The following COPS6 variants were observed in gnomAD, a reference collection of about 807,000 sequenced individuals.
The protein encoded by COPS6 is COP9 signalosome subunit 6.
COPS6 carries 9 observed loss-of-function variants against 41.0 expected under a neutral mutation model. The ratio of observed to expected loss-of-function variants is 0.22; its 90% CI spans 0.13 to 0.38. The LOEUF (loss-of-function observed/expected upper bound fraction) is 0.38, where lower values mean the gene tolerates loss of function less well. Ranked by LOEUF, COPS6 falls within the 10% of genes least tolerant of loss-of-function variation. The probability of loss-of-function intolerance (pLI) is 1.00; values close to 1 mark genes in which losing one functional copy is unlikely to be tolerated. For synonymous variants in COPS6, 179 were observed against 162.9 expected (o/e 1.10, Z -0.75); for missense variants, 302 against 436.7 (o/e 0.69, Z 2.75).
In COPS6 at chr7:100,091,907, C is replaced by G. The variant is rs986030740; in HGVS notation, c.*118C>G. The stretch of plus-strand genomic sequence containing the variant: ...TAAAAGGGGAGCAGCCCCTGAGCAC[C>G]CCTGCTGGTGGCTCTGTCCTCTGTT... On this transcript the variant is annotated 3_prime_UTR_variant, in exon 10 of 10. Transcript: ENST00000303904. The surrounding 1 kb of genome is among the most constrained non-coding windows in gnomAD (Gnocchi z 4.1). 1 of 1,338,900 alleles carries G rather than the reference C, an allele frequency of 7.5e-7. No homozygotes were observed. The highest frequency in any genetic ancestry group is 1.0e-6 in the Non-Finnish European group (1 of 966,844). 82.9% of individuals were successfully genotyped at this position (1,338,900 alleles called of 1,614,324 possible).
rs767362885 is a variant in COPS6 at position 100,091,520 on chromosome 7, T to C, written c.843T>C (p.Asp281=). The part of the protein sequence containing the change: ...STDKFKTDFY[D]QCNDVGLMAY... ...ACAAGTTCAAGACAGATTTTTATGA[T>C]GTGAGTGTAAAACCCGGATGGGGAG... The change falls in exon 9 of 10, where the codon GAT becomes GAC. Residue 281 remains aspartate (D), a splice_region_variant and synonymous_variant. Coordinates refer to ENST00000303904, the MANE Select transcript of COPS6 (RefSeq NM_006833.5). This position sits in a 1 kb window ranked among gnomAD's most constrained non-coding sequence, Gnocchi z 4.1. The C allele has an allele frequency of 2.3e-5, 37 of 1,613,994 alleles. No homozygotes were observed. The highest frequency in any genetic ancestry group is 3.0e-5 in the Non-Finnish European group (35 of 1,179,966).
chr7:100,091,982 G>A lies in COPS6; in HGVS notation c.*193G>A. 2 of 662,332 alleles carry A rather than the reference G, an allele frequency of 3.0e-6. No homozygotes were observed. Among genetic ancestry groups the A allele is most frequent in the Middle Eastern group, 4.2e-4 (1 of 2,360 alleles). The allele number at this position is 662,332 out of a possible 1,614,324, so 41.0% of individuals were successfully genotyped here. A position where few individuals can be genotyped will look rare whatever the true frequency, so the allele number is the denominator to read the frequency against. ...TGGATGTTCATCGAGGCTCATTCTGGCCTTGCTCAGAAGCCCTTCTGATGC... is the reference window on the plus strand; with the variant it reads ...TGGATGTTCATCGAGGCTCATTCTGACCTTGCTCAGAAGCCCTTCTGATGC... On this transcript the variant is annotated 3_prime_UTR_variant, in exon 10 of 10. Coordinates refer to ENST00000303904, the MANE Select transcript of COPS6 (RefSeq NM_006833.5). This position sits in a 1 kb window ranked among gnomAD's most constrained non-coding sequence, Gnocchi z 4.1.
At chr7:100,089,847 C>T in intron 3 of COPS6, 101 bp downstream of exon 3, 2 of 1,166,614 alleles carry the variant, frequency 1.7e-6, no homozygotes, top group African/African-American at 1.6e-5. Context: ...GAGAGGAGAC[C>T]AAGAACAGGG....
At chr7:100,090,854 G>A in intron 5 of COPS6, 48 bp from the exon 6 acceptor site, 2 of 1,603,672 alleles carry the variant, frequency 1.2e-6, no homozygotes, top group East Asian at 2.2e-5. Context: ...AAAGCAGCTA[G>A]CCCAAATGTT....
intron 3 of COPS6, 102 bp downstream of exon 3, chr7:100,089,848 AAGAACAGGGG>A: frequency 8.6e-7 from 1 of 1,156,898 alleles, no homozygotes; most frequent in East Asian, 2.5e-5. Context: ...AGAGGAGACC[AAGAACAGGGG>A]AGAAAAAGTG....
chr7:100,091,226 A>T lies in COPS6; in HGVS notation c.650-12A>T, dbSNP rs769870773. On this transcript the variant is annotated splice_polypyrimidine_tract_variant and intron_variant, in intron 7 of 9. Transcript: ENST00000303904. This position sits in a 1 kb window ranked among gnomAD's most constrained non-coding sequence, Gnocchi z 4.1. ...CCCGTCTCAACCTCCTCCTGTCCTC[A>T]TCCCCTTGCAGTGGCTGAACACCTG... 3 of 1,614,198 alleles carry T rather than the reference A, an allele frequency of 1.9e-6. No individual in the cohort carries two copies. In the East Asian group the frequency reaches 6.7e-5, roughly 36 times the overall value.
chr7:100,091,854 C>A lies in COPS6; in HGVS notation c.*65C>A. 6.2e-7 allele frequency: 1 copy of A among 1,600,088 alleles called. No homozygotes were observed. Among genetic ancestry groups the A allele is most frequent in the East Asian group, 2.2e-5 (1 of 44,700 alleles). On this transcript the variant is annotated 3_prime_UTR_variant, in exon 10 of 10. Coordinates refer to ENST00000303904, the MANE Select transcript of COPS6 (RefSeq NM_006833.5). This position sits in a 1 kb window ranked among gnomAD's most constrained non-coding sequence, Gnocchi z 4.1. ...CTATCCCAAAGGGGAGGGCACTACA[C>A]TTCCTTGAGAGAAACCGCTGTCATT...
At chr7:100,090,548 A>G (rs989560637) in intron 4 of COPS6, 44 bp from the exon 5 acceptor site, 6 of 1,611,028 alleles carry the variant, frequency 3.7e-6, no homozygotes, top group Non-Finnish European at 4.2e-6. Context: ...GGAAGGAGAA[A>G]GGTAGGGGGC....
At chr7:100,090,782 A>G (rs1433173946) in intron 5 of COPS6, 120 bp from the exon 6 acceptor site, 11 of 1,461,266 alleles carry the variant, frequency 7.5e-6, no homozygotes, top group East Asian at 2.3e-5. Context: ...TTAATCTCCA[A>G]ACTGTGAAAG....
Position 100,091,202 on chromosome 7 carries a change from C to G in COPS6, c.650-36C>G. On this transcript the variant is annotated intron_variant, in intron 7 of 9. Coordinates refer to ENST00000303904, the MANE Select transcript of COPS6 (RefSeq NM_006833.5). The surrounding 1 kb of genome is among the most constrained non-coding windows in gnomAD (Gnocchi z 4.1). ...TGGGGTTGGAAGGTGTGGCCACATCCCGTCTCAACCTCCTCCTGTCCTCAT... is the reference window on the plus strand; with the variant it reads ...TGGGGTTGGAAGGTGTGGCCACATCGCGTCTCAACCTCCTCCTGTCCTCAT... The G allele has an allele frequency of 6.2e-7, 1 of 1,613,566 alleles. No homozygotes were observed. The highest frequency in any genetic ancestry group is 8.5e-7 in the Non-Finnish European group (1 of 1,179,458).
chr7:100,090,815 T>C (rs1795304320), intron 5 of COPS6, 87 bp from the exon 6 acceptor site: 2 of 1,526,384 alleles, frequency 1.3e-6, no homozygotes, highest in Non-Finnish European at 1.8e-6. Context: ...ACTTCATTGG[T>C]TTCTTGGGAA....
At chr7:100,090,119 G>T in intron 3 of COPS6, 1 of 468,214 alleles carries the variant, frequency 2.1e-6, no homozygotes, top group South Asian at 2.3e-5. Context: ...GGAGGCCGAG[G>T]TGGGTGGATC....
Position 100,089,394 on chromosome 7 carries a change from CA to C in COPS6, c.182del (p.Gln61ArgfsTer8). ...AGACCACTGGATCCGCATGCGCTCC[CA>C]GGAGGGGCGGCCTGTGCAGGGTGAG... ...ISDHWIRMRS[Q>X]EGRPVQVIGA... On this transcript the variant is annotated frameshift_variant, in exon 2 of 10. Coordinates refer to ENST00000303904, the MANE Select transcript of COPS6 (RefSeq NM_006833.5). LOFTEE classifies it high-confidence loss of function. 6.2e-7 allele frequency: 1 copy of C among 1,614,124 alleles called. No homozygotes were observed. Among genetic ancestry groups the C allele is most frequent in the Non-Finnish European group, 8.5e-7 (1 of 1,180,034 alleles).
chr7:100,091,190 T>C lies in COPS6; in HGVS notation c.649+38T>C. The stretch of plus-strand genomic sequence containing the variant: ...ATTCCTTGGAAGTGGGGTTGGAAGG[T>C]GTGGCCACATCCCGTCTCAACCTCC... On this transcript the variant is annotated intron_variant, in intron 7 of 9. Coordinates refer to ENST00000303904, the MANE Select transcript of COPS6 (RefSeq NM_006833.5). This position sits in a 1 kb window ranked among gnomAD's most constrained non-coding sequence, Gnocchi z 4.1. The C allele has an allele frequency of 1.2e-6, 2 of 1,613,454 alleles. No homozygotes were observed. Among genetic ancestry groups the C allele is most frequent in the South Asian group, 2.2e-5 (2 of 91,078 alleles).
At chr7:100,089,785 T>TAA in intron 3 of COPS6, 39 bp downstream of exon 3, 2 of 1,441,568 alleles carry the variant, frequency 1.4e-6, no homozygotes, top group Non-Finnish European at 9.4e-7. Flanking sequence ...GAGTGGGAGT[T>TAA]AAAAAAAAAA....
Position 100,091,642 on chromosome 7 carries a change from C to T in COPS6, c.844-7C>T, listed in dbSNP as rs1264963412. 3 of 1,614,110 alleles carry T rather than the reference C, an allele frequency of 1.9e-6. No individual in the cohort carries two copies. The highest frequency in any genetic ancestry group is 2.5e-6 in the Non-Finnish European group (3 of 1,180,058). On this transcript the variant is annotated splice_polypyrimidine_tract_variant and splice_region_variant and intron_variant, in intron 9 of 9. Transcript: ENST00000303904. The surrounding 1 kb of genome is among the most constrained non-coding windows in gnomAD (Gnocchi z 4.1). ...CCGAGGAACTGGTCCTTTCTGTTCC[C>T]TCCCAGCAATGCAACGACGTGGGGC...
chr7:100,089,548 G>A, intron 2 of COPS6, 67 bp from the exon 3 acceptor site: 5 of 1,599,890 alleles, frequency 3.1e-6, no homozygotes, highest in Non-Finnish European at 4.3e-6. Context: ...GGTTCCCACT[G>A]ATCTCAGACC....
chr7:100,090,684 T>C (rs1279696373), intron 5 of COPS6, 30 bp downstream of exon 5: 1 of 1,601,072 alleles, frequency 6.2e-7, no homozygotes, highest in South Asian at 1.1e-5. Flanking sequence ...TACTCTGTCA[T>C]GATTGTCGCT....
In COPS6 at chr7:100,091,773, G is replaced by A. The variant is rs765013312; in HGVS notation, c.968G>A (p.Arg323His). 9 of 1,614,216 alleles carry A rather than the reference G, an allele frequency of 5.6e-6. No homozygotes were observed. The highest frequency in any genetic ancestry group is 1.1e-5 in the South Asian group (1 of 91,090). ...YDRQGIGRRM[R>H]GLFF ...CGACAAGGCATCGGCAGGAGAATGC[G>A]CGGGCTCTTTTTCTGATGAGGGTAC... Residue 323 changes from arginine (R) to histidine (H), a missense_variant, in exon 10 of 10, where the codon CGC becomes CAC. Coordinates refer to ENST00000303904, the MANE Select transcript of COPS6 (RefSeq NM_006833.5). This position sits in a 1 kb window ranked among gnomAD's most constrained non-coding sequence, Gnocchi z 4.1.
Sources: gnomAD v4.1 joint callset for allele counts on GRCh38, gnomAD v4.1.1 for gene constraint, Gnocchi (gnomAD v3.1) non-coding constraint, MANE v1.5 for transcripts, NCBI Gene and HGNC (gene_info 2026-07-23, HGNC 2026-07-21) for gene names.